The following BCAS2 variants were observed in gnomAD, a reference collection of about 807,000 sequenced individuals.
The protein encoded by BCAS2 is BCAS2 pre-mRNA processing factor.
In BCAS2, 34 loss-of-function variants were observed where a neutral mutation model predicts 35.3. The ratio of observed to expected loss-of-function variants is 0.96; its 90% CI spans 0.73 to 1.28. The LOEUF (loss-of-function observed/expected upper bound fraction) is 1.28. Among genes scored for constraint, BCAS2 ranks in the 50% most tolerant of loss-of-function variants. The pLI is 0.00. For missense variants in BCAS2, 221 were observed against 268.1 expected (o/e 0.82, Z 1.23); for synonymous variants, 75 against 91.6 (o/e 0.82, Z 1.03).
At chr1:114,576,095 C>T (rs1227620669) in intron 3 of BCAS2, among the ~76,000 whole-genome samples, 10 of 151,776 alleles carry the variant, frequency 6.6e-5, no homozygotes, top group Admixed American at 5.3e-4. Flanking sequence ...AGTTTGCTAC[C>T]ATTTTTGTAA....
At chr1:114,569,196 A>G (rs1243957594) in intron 6 of BCAS2, among the ~76,000 whole-genome samples, 1 of 152,184 alleles carries the variant, frequency 6.6e-6, no homozygotes, top group Non-Finnish European at 1.5e-5. Flanking sequence ...TGAAGATAGT[A>G]TTTAATCAAC....
At chr1:114,571,735 A>T (rs1260248844) in intron 4 of BCAS2, among the ~76,000 whole-genome samples, 1 of 151,914 alleles carries the variant, frequency 6.6e-6, no homozygotes, top group Non-Finnish European at 1.5e-5. Context: ...TTATTTCTCA[A>T]CCCCCTTTTA....
chr1:114,569,862 G>T, intron 6 of BCAS2, 130 bp downstream of exon 6: 1 of 697,996 alleles, frequency 1.4e-6, no homozygotes, highest in Non-Finnish European at 2.5e-6. Context: ...GACGGGGAAG[G>T]GTGAATTCAG....
intron 2 of BCAS2, among the ~76,000 whole-genome samples, chr1:114,579,701 A>G (rs1448204296): frequency 6.6e-6 from 1 of 152,050 alleles, no homozygotes; most frequent in Non-Finnish European, 1.5e-5. Flanking sequence ...TCCCGTCTCT[A>G]CTGAAAATAC....
intron 6 of BCAS2, among the ~76,000 whole-genome samples, chr1:114,569,791 T>G (rs961937413): frequency 1.3e-5 from 2 of 152,072 alleles, no homozygotes; most frequent in Non-Finnish European, 2.9e-5. Flanking sequence ...TAGCAAAGGA[T>G]CCTTCGCCAA....
chr1:114,580,538 A>T (rs925269557), intron 2 of BCAS2, among the ~76,000 whole-genome samples: 2 of 152,176 alleles, frequency 1.3e-5, no homozygotes, highest in Admixed American at 1.3e-4. Context: ...ATTATTACAC[A>T]TTTATACATA....
intron 4 of BCAS2, among the ~76,000 whole-genome samples, chr1:114,572,735 T>G (rs1654672276): frequency 6.6e-6 from 1 of 152,150 alleles, no homozygotes; most frequent in Admixed American, 6.5e-5. Flanking sequence ...AGGCAGGATT[T>G]GCAATAATCA....
intron 3 of BCAS2, 109 bp from the exon 4 acceptor site, chr1:114,575,860 G>A (rs1009969964): frequency 8.3e-7 from 1 of 1,205,592 alleles, no homozygotes; most frequent in African/African-American, 1.6e-5. Flanking sequence ...AACTACAGAA[G>A]ACTAAGGATG....
rs1426766879 is a variant in BCAS2 at position 114,568,247 on chromosome 1, G to C, written c.561C>G (p.Ser187=). 6.2e-7 allele frequency: 1 copy of C among 1,609,324 alleles called. No individual in the cohort carries two copies. The highest frequency in any genetic ancestry group is 1.3e-5 in the African/African-American group (1 of 74,682). The change falls in exon 7 of 7, where the codon TCC becomes TCG. Residue 187 remains serine (S), a synonymous_variant. Transcript: ENST00000369541. ...CAATCTCATAATTCTTACTGACCAGGGATACCCAACTAGAATGGGGGGGAA... is the reference window on the plus strand; with the variant it reads ...CAATCTCATAATTCTTACTGACCAGCGATACCCAACTAGAATGGGGGGGAA... ...KLREMESNWV[S]LVSKNYEIER...
chr1:114,569,409 T>C (rs1472659389), intron 6 of BCAS2, among the ~76,000 whole-genome samples: 1 of 152,238 alleles, frequency 6.6e-6, no homozygotes, highest in East Asian at 1.9e-4. Context: ...TGTGTGTATG[T>C]AAAAGAACAT....
At chr1:114,579,049 G>A (rs576317784) in intron 2 of BCAS2, among the ~76,000 whole-genome samples, 1 of 152,332 alleles carries the variant, frequency 6.6e-6, no homozygotes, top group South Asian at 2.1e-4. Context: ...GCCGAGGCAG[G>A]TGATTCACTT....
rs372444525 is a variant in BCAS2, at chr1:114,581,605, G to A, written c.-14C>T. On this transcript the variant is annotated 5_prime_UTR_variant, in exon 1 of 7. Coordinates refer to ENST00000369541, the MANE Select transcript of BCAS2 (RefSeq NM_005872.3). ...TGTGCCCGCCATTCTGAGGACCTCA[G>A]GTTTGCCTGCGTTTTCTGCGTCTGC... 3.6e-5 allele frequency: 58 copies of A among 1,612,630 alleles called. No homozygotes were observed. The highest frequency in any genetic ancestry group is 4.5e-5 in the Non-Finnish European group (53 of 1,179,916).
At chr1:114,572,816 C>G (rs1228226329) in intron 4 of BCAS2, among the ~76,000 whole-genome samples, 7 of 151,964 alleles carry the variant, frequency 4.6e-5, no homozygotes, top group African/African-American at 1.7e-4. Flanking sequence ...CCCTTGAATA[C>G]CACGTTAAAA....
chr1:114,568,963 G>A lies in BCAS2; in HGVS notation c.552-707C>T, dbSNP rs563966552. ...CATTTTTTTGTAGAGACAGGGTCTC[G>A]TTATGTTGCCCAGGCTGGCTTGAAC... On this transcript the variant is annotated intron_variant, in intron 6 of 6. Transcript: ENST00000369541. Among the ~76,000 whole-genome samples, 4 of 151,220 alleles carry A rather than the reference G, an allele frequency of 2.6e-5. No homozygotes were observed. In the East Asian group the frequency reaches 5.9e-4, roughly 22 times the overall value.
At position 114,581,542 on chromosome 1, in the gene BCAS2, G is replaced by A. The variant is rs770404175; in HGVS notation, c.50C>T (p.Pro17Leu). Residue 17 changes from proline to leucine, a missense_variant, in exon 1 of 7, where the codon CCG becomes CTG. Coordinates refer to ENST00000369541, the MANE Select transcript of BCAS2 (RefSeq NM_005872.3). The part of the protein sequence containing the change: ...VAGEVVVDAL[P>L]YFDQGYEAPG... The stretch of plus-strand genomic sequence containing the variant: ...GGCTTCATAACCTTGATCAAAATAC[G>A]GCAGCGCATCCACCACAACCTCTCC... 6.2e-7 allele frequency: 1 copy of A among 1,613,970 alleles called. No individual in the cohort carries two copies. The highest frequency in any genetic ancestry group is 8.5e-7 in the Non-Finnish European group (1 of 1,180,030).
At chr1:114,577,335 T>C (rs912789732) in intron 2 of BCAS2, among the ~76,000 whole-genome samples, 4 of 152,198 alleles carry the variant, frequency 2.6e-5, no homozygotes, top group African/African-American at 4.8e-5. Flanking sequence ...CCGTACACTT[T>C]CCAGCCTCCA....
chr1:114,576,845 T>C, intron 2 of BCAS2, 87 bp from the exon 3 acceptor site: 1 of 925,052 alleles, frequency 1.1e-6, no homozygotes, highest in East Asian at 2.6e-5. Context: ...TAAGCTACAC[T>C]ACCCATTATA....
chr1:114,581,190 G>T, intron 2 of BCAS2, 109 bp downstream of exon 2: 1 of 1,068,448 alleles, frequency 9.4e-7, no homozygotes, highest in Non-Finnish European at 1.5e-6. Context: ...TATACAGTAG[G>T]TAAGTAGTAG....
intron 3 of BCAS2, among the ~76,000 whole-genome samples, chr1:114,576,259 A>T (rs914961954): frequency 6.7e-6 from 1 of 148,980 alleles, no homozygotes; most frequent in Non-Finnish European, 1.5e-5. Context: ...ATATATATAT[A>T]TATATAGTTT....
Sources: gnomAD v4.1 joint callset for allele counts (sites outside exome capture counted in the v4.1 genomes callset) on GRCh38, gnomAD v4.1.1 for gene constraint, MANE v1.5 for transcripts, NCBI Gene and HGNC (gene_info 2026-07-23, HGNC 2026-07-21) for gene names.